KLHL29: variants seen among roughly 807,000 people sequenced by gnomAD.
KLHL29 encodes the protein kelch like family member 29, also known as kelch-like protein 29.
KLHL29 carries 21 observed loss-of-function variants against 80.4 expected under a neutral mutation model. That is an observed-to-expected ratio of 0.26 (90% CI 0.19 to 0.38). The LOEUF is 0.38. KLHL29 is among the 10% of genes least tolerant of loss of function. KLHL29 has a pLI of 1.00. For missense variants in KLHL29, 867 were observed against 1,223.9 expected (o/e 0.71, Z 4.35); for synonymous variants, 511 against 526.8 (o/e 0.97, Z 0.41).
intron 6 of KLHL29, among the ~76,000 whole-genome samples, chr2:23,687,422 G>A (rs898962594): frequency 2.6e-5 from 4 of 152,180 alleles, no homozygotes; most frequent in Non-Finnish European, 5.9e-5. Flanking sequence ...GTGCCTGCCA[G>A]ACCCAACCCC....
At position 23,562,426 on chromosome 2, in the gene KLHL29, G is replaced by A. The variant is rs766687369; in HGVS notation, c.230G>A (p.Ser77Asn). ...ATAPAPCTTG[S>N]SEAITSLVAS... ...GCTCCTGCTCCCTGCACCACCGGCA[G>A]CAGCGAGGCCATCACCAGCCTCGTG... The change falls in exon 3 of 14, where the codon AGC becomes AAC. Residue 77 changes from serine (S) to asparagine (N), a missense_variant. Coordinates refer to ENST00000486442, the MANE Select transcript of KLHL29 (RefSeq NM_052920.2). The surrounding 1 kb of genome is among the most constrained non-coding windows in gnomAD (Gnocchi z 4.5). 6.5e-7 allele frequency: 1 copy of A among 1,537,532 alleles called. No individual in the cohort carries two copies. Among genetic ancestry groups the A allele is most frequent in the South Asian group, 1.2e-5 (1 of 84,042 alleles).
chr2:23,532,718 G>A (rs1666535248), intron 2 of KLHL29: 6 of 452,562 alleles, frequency 1.3e-5, no homozygotes, highest in Middle Eastern at 4.0e-4. Context: ...TCAGGTGGGA[G>A]GAGGTGTGTT....
chr2:23,677,676 C>T (rs944226462), intron 5 of KLHL29, among the ~76,000 whole-genome samples: 3 of 152,170 alleles, frequency 2.0e-5, no homozygotes, highest in Non-Finnish European at 4.4e-5. Flanking sequence ...GGCAACATTC[C>T]GCTTGGGAGG....
At chr2:23,433,765 T>A (rs532206782) in intron 1 of KLHL29, among the ~76,000 whole-genome samples, 5 of 152,120 alleles carry the variant, frequency 3.3e-5, no homozygotes, top group African/African-American at 4.8e-5. Flanking sequence ...AAAAATTTTT[T>A]AAAAATTGCT....
At chr2:23,464,185 C>CA (rs1381598937) in intron 1 of KLHL29, among the ~76,000 whole-genome samples, 2 of 152,106 alleles carry the variant, frequency 1.3e-5, no homozygotes, top group Non-Finnish European at 2.9e-5. Context: ...TTGAAAGTGG[C>CA]AAATTGAATT....
At chr2:23,391,060 T>C (rs2103382304) in intron 1 of KLHL29, among the ~76,000 whole-genome samples, 1 of 152,340 alleles carries the variant, frequency 6.6e-6, no homozygotes, top group African/African-American at 2.4e-5. Flanking sequence ...TCCCCATTCC[T>C]ACCTCCCTCA....
intron 1 of KLHL29, among the ~76,000 whole-genome samples, chr2:23,442,434 G>A (rs1663554847): frequency 6.6e-6 from 1 of 152,130 alleles, no homozygotes; most frequent in Non-Finnish European, 1.5e-5. Context: ...GAGAGTCAGA[G>A]TCAGAGAACA....
chr2:23,547,047 C>T (rs1410407221), intron 2 of KLHL29, among the ~76,000 whole-genome samples: 1 of 152,182 alleles, frequency 6.6e-6, no homozygotes, highest in Non-Finnish European at 1.5e-5. Context: ...CAGCAGAGCA[C>T]ACACCCTCGT....
intron 3 of KLHL29, among the ~76,000 whole-genome samples, chr2:23,612,849 A>G (rs1668901579): frequency 6.6e-6 from 1 of 152,222 alleles, no homozygotes; most frequent in South Asian, 2.1e-4. Flanking sequence ...TCAGGAAGCA[A>G]TGAAAAGCAA....
chr2:23,625,612 G>A (rs1318664289), intron 3 of KLHL29, among the ~76,000 whole-genome samples: 1 of 152,214 alleles, frequency 6.6e-6, no homozygotes, highest in Non-Finnish European at 1.5e-5. Flanking sequence ...GGGTCTAGCG[G>A]GCAAGATGGA....
At chr2:23,466,358 C>T (rs1350541145) in intron 1 of KLHL29, among the ~76,000 whole-genome samples, 1 of 152,194 alleles carries the variant, frequency 6.6e-6, no homozygotes, top group Non-Finnish European at 1.5e-5. Flanking sequence ...TTCTTTTTAT[C>T]AACCTTTAGA....
chr2:23,628,878 C>T lies in KLHL29; in HGVS notation c.286-10261C>T, dbSNP rs548867555. Among the ~76,000 whole-genome samples, 5 of 151,938 alleles carry T rather than the reference C, an allele frequency of 3.3e-5. No homozygotes were observed. The South Asian group carries it at 1.0e-3, about 32-fold the overall frequency. ...TGCGTCTGCGAGTCTACAGCTGACC[C>T]TGGGGAGGGCGGGGGTGGGCCTGGA... On this transcript the variant is annotated intron_variant, in intron 3 of 13. Transcript: ENST00000486442.
intron 1 of KLHL29, among the ~76,000 whole-genome samples, chr2:23,440,610 A>G (rs1315810691): frequency 6.6e-6 from 1 of 151,974 alleles, no homozygotes; most frequent in African/African-American, 2.4e-5. Context: ...AGAATCTACA[A>G]TGAACTCAAA....
intron 1 of KLHL29, among the ~76,000 whole-genome samples, chr2:23,411,966 G>A (rs747091418): frequency 2.0e-5 from 3 of 152,106 alleles, no homozygotes; most frequent in Non-Finnish European, 4.4e-5. Flanking sequence ...TGACTTCTAC[G>A]CTTCTTAGGA....
At chr2:23,424,378 T>C (rs766755239) in intron 1 of KLHL29, among the ~76,000 whole-genome samples, 1 of 152,218 alleles carries the variant, frequency 6.6e-6, no homozygotes, top group Non-Finnish European at 1.5e-5. Flanking sequence ...CCATTTGGTT[T>C]ATCTCCTTGG....
intron 2 of KLHL29, among the ~76,000 whole-genome samples, chr2:23,502,400 T>C (rs1198815293): frequency 6.6e-6 from 1 of 152,210 alleles, no homozygotes; most frequent in Non-Finnish European, 1.5e-5. Flanking sequence ...GGCTCACTAG[T>C]GGGCGGTTCT....
chr2:23,618,650 G>A (rs769571297), intron 3 of KLHL29, among the ~76,000 whole-genome samples: 5 of 152,100 alleles, frequency 3.3e-5, no homozygotes, highest in East Asian at 1.9e-4. Flanking sequence ...TGCAGATCGC[G>A]GGACTTCTCG....
At chr2:23,468,060 C>T (rs1305781975) in intron 1 of KLHL29, among the ~76,000 whole-genome samples, 1 of 152,014 alleles carries the variant, frequency 6.6e-6, no homozygotes, top group East Asian at 1.9e-4. Context: ...TGTGTATGTG[C>T]CATAGACTAT....
intron 1 of KLHL29, among the ~76,000 whole-genome samples, chr2:23,419,542 A>G (rs761170555): frequency 6.6e-6 from 1 of 152,108 alleles, no homozygotes. Context: ...ATCACTGTGG[A>G]CTTGGATGCT....
Sources: allele counts gnomAD v4.1 joint callset (sites outside exome capture counted in the v4.1 genomes callset), GRCh38; gene constraint gnomAD v4.1.1; non-coding constraint Gnocchi (gnomAD v3.1); transcripts MANE v1.5; gene names NCBI Gene and HGNC (gene_info 2026-07-23, HGNC 2026-07-21).